L3MBTL3: variants seen among roughly 807,000 people sequenced by gnomAD.
The protein encoded by L3MBTL3 is L3MBTL histone methyl-lysine binding protein 3, also known as lethal(3)malignant brain tumor-like protein 3.
L3MBTL3 carries 27 observed loss-of-function variants against 102.3 expected under a neutral mutation model. That is an observed-to-expected ratio of 0.26 (90% CI 0.19 to 0.36). L3MBTL3 has a LOEUF of 0.36. Among genes scored for constraint, L3MBTL3 ranks in the 10% least tolerant of loss-of-function variants. L3MBTL3 has a pLI of 1.00. For synonymous variants in L3MBTL3, 340 were observed against 320.9 expected (o/e 1.06, Z -0.64); for missense variants, 798 against 955.3 (o/e 0.84, Z 2.17).
intron 1 of L3MBTL3, chr6:130,020,627 C>G (rs1189791817): frequency 6.6e-6 from 1 of 151,988 alleles, no homozygotes; most frequent in Non-Finnish European, 1.5e-5. Flanking sequence ...TTCCAGGGCG[C>G]GGGGACCGCG....
At chr6:130,066,671 A>C (rs1782281395) in intron 11 of L3MBTL3, among the ~76,000 whole-genome samples, 183 bp downstream of exon 11, 2 of 152,228 alleles carry the variant, frequency 1.3e-5, no homozygotes, top group East Asian at 3.8e-4. Flanking sequence ...CCAGCCTAGG[A>C]AAATAAAGTA....
intron 22 of L3MBTL3, chr6:130,137,625 T>C (rs1238080537): frequency 6.6e-6 from 1 of 152,066 alleles, no homozygotes; most frequent in Non-Finnish European, 1.5e-5. Flanking sequence ...TTTTTTTTTT[T>C]CATCAGTTAC....
chr6:130,135,070 CT>C lies in L3MBTL3; in HGVS notation c.2199+1185del, dbSNP rs5880000. 2.7e-3 allele frequency among the ~76,000 whole-genome samples: 339 copies of C among 127,408 alleles called. 1 individual carries two copies. Among genetic ancestry groups the C allele is most frequent in the Middle Eastern group, 8.6e-3 (2 of 232 alleles). 83.6% of individuals were successfully genotyped at this position (127,408 alleles called of 152,430 possible). ...CTCTCAATTCATTTTCTGTTTTTTC[CT>C]TTTTTTTTTTTTTTTTTTTAAATCG... On this transcript the variant is annotated intron_variant, in intron 22 of 22. Transcript: ENST00000361794.
At chr6:130,132,101 T>G (rs1185270985) in intron 20 of L3MBTL3, among the ~76,000 whole-genome samples, 1 of 152,170 alleles carries the variant, frequency 6.6e-6, no homozygotes, top group Non-Finnish European at 1.5e-5. Context: ...TAGCACCAAA[T>G]TAAAAACAAC....
intron 19 of L3MBTL3, among the ~76,000 whole-genome samples, chr6:130,111,615 T>G (rs2115415730): frequency 6.6e-6 from 1 of 152,344 alleles, no homozygotes; most frequent in East Asian, 1.9e-4. Flanking sequence ...AAGTTAACAG[T>G]GTGAGGAATG....
chr6:130,133,362 C>G lies in L3MBTL3; in HGVS notation c.1967-90C>G. 1 of 1,247,958 alleles carries G rather than the reference C, an allele frequency of 8.0e-7. No individual in the cohort carries two copies. The highest frequency in any genetic ancestry group is 2.3e-5 in the East Asian group (1 of 42,854). 77.3% of individuals were successfully genotyped at this position (1,247,958 alleles called of 1,614,324 possible). A position where few individuals can be genotyped will look rare whatever the true frequency, so the allele number is the denominator to read the frequency against. On this transcript the variant is annotated intron_variant, in intron 20 of 22. Transcript: ENST00000361794. This position sits in a 1 kb window ranked among gnomAD's most constrained non-coding sequence, Gnocchi z 4.9. ...GGAACCAATGCTTTAACCACTCCCACCTCCAGTCTCGTTATCTGGGAGATG... is the reference window on the plus strand; with the variant it reads ...GGAACCAATGCTTTAACCACTCCCAGCTCCAGTCTCGTTATCTGGGAGATG...
At chr6:130,050,428 G>A (rs987694984) in intron 5 of L3MBTL3, among the ~76,000 whole-genome samples, 2 of 152,120 alleles carry the variant, frequency 1.3e-5, no homozygotes, top group Admixed American at 1.3e-4. Flanking sequence ...TGGCTCAAAT[G>A]CCATTTCTCT....
intron 13 of L3MBTL3, among the ~76,000 whole-genome samples, chr6:130,073,278 A>G (rs1160031341): frequency 6.6e-6 from 1 of 152,134 alleles, no homozygotes; most frequent in Non-Finnish European, 1.5e-5. Context: ...GATTTTCTAT[A>G]CATATTTTGA....
intron 8 of L3MBTL3, 38 bp downstream of exon 8, chr6:130,055,293 T>A: frequency 6.6e-7 from 1 of 1,517,548 alleles, no homozygotes; most frequent in Non-Finnish European, 9.0e-7. Flanking sequence ...TGTAACTTTA[T>A]GAAATTGGAA....
chr6:130,078,523 GATA>G, intron 13 of L3MBTL3, 32 bp from the exon 14 acceptor site: 2 of 1,442,556 alleles, frequency 1.4e-6, no homozygotes. Flanking sequence ...AGTTTATCCT[GATA>G]ATTGCAGTTT....
intron 16 of L3MBTL3, among the ~76,000 whole-genome samples, chr6:130,091,602 C>G (rs964684534): frequency 8.6e-5 from 13 of 151,862 alleles, no homozygotes; most frequent in Admixed American, 2.6e-4. Context: ...ATGGAAGGAA[C>G]CTAAGTACCC....
chr6:130,092,921 T>A, intron 17 of L3MBTL3, 62 bp downstream of exon 17: 1 of 1,040,266 alleles, frequency 9.6e-7, no homozygotes, highest in Non-Finnish European at 1.5e-6. Context: ...TCTTAAGATT[T>A]CATCCTTAGC....
At chr6:130,103,252 C>T (rs1020006330) in intron 18 of L3MBTL3, among the ~76,000 whole-genome samples, 3 of 152,174 alleles carry the variant, frequency 2.0e-5, no homozygotes, top group African/African-American at 7.2e-5. Context: ...TATGTCAGCA[C>T]ATGATCAGAT....
chr6:130,112,780 A>G (rs181701515), intron 19 of L3MBTL3, among the ~76,000 whole-genome samples: 70 of 152,272 alleles, frequency 4.6e-4, no homozygotes, highest in Admixed American at 1.3e-3. Context: ...AGACTTGTCA[A>G]ATGGGTGTGA....
intron 19 of L3MBTL3, among the ~76,000 whole-genome samples, chr6:130,118,167 A>C (rs1426002704): frequency 6.6e-6 from 1 of 152,096 alleles, no homozygotes; most frequent in Non-Finnish European, 1.5e-5. Flanking sequence ...TTTTAGAAAA[A>C]CACAAGTGTA....
intron 12 of L3MBTL3, among the ~76,000 whole-genome samples, chr6:130,070,593 A>G (rs1338814883): frequency 6.6e-6 from 1 of 152,150 alleles, no homozygotes; most frequent in African/African-American, 2.4e-5. Flanking sequence ...AATAATTTTC[A>G]TTGTTAAGTC....
At chr6:130,064,219 G>GT in intron 10 of L3MBTL3, among the ~76,000 whole-genome samples, 1 of 152,178 alleles carries the variant, frequency 6.6e-6, no homozygotes, top group East Asian at 1.9e-4. Flanking sequence ...GCAAGAAAAT[G>GT]TTTTTTAAAT....
chr6:130,128,789 C>T (rs1197783631), intron 20 of L3MBTL3, among the ~76,000 whole-genome samples: 25 of 152,116 alleles, frequency 1.6e-4, no homozygotes, highest in Admixed American at 1.6e-3. Context: ...AGACTTTTGC[C>T]CAAAGCTGCT....
At chr6:130,139,462 A>G (rs2114500481) in intron 22 of L3MBTL3, 148 bp from the exon 23 acceptor site, 1 of 672,596 alleles carries the variant, frequency 1.5e-6, no homozygotes, top group Non-Finnish European at 2.5e-6. Context: ...AAAGGTCCAT[A>G]TATCAAGAAA....
Sources: gnomAD v4.1 joint callset for allele counts (sites outside exome capture counted in the v4.1 genomes callset) on GRCh38, gnomAD v4.1.1 for gene constraint, Gnocchi (gnomAD v3.1) non-coding constraint, MANE v1.5 for transcripts, NCBI Gene and HGNC (gene_info 2026-07-23, HGNC 2026-07-21) for gene names.